Variants in ADCY8 observed in about 807,000 individuals in gnomAD.
The protein encoded by ADCY8 is adenylate cyclase 8.
Under a neutral mutation model 119.7 loss-of-function variants are expected in ADCY8, and 51 were observed. The observed-to-expected ratio is 0.43, with a 90% CI of 0.34 to 0.54. ADCY8 has a LOEUF of 0.54. Ranked by LOEUF, ADCY8 falls within the 20% of genes least tolerant of loss-of-function variation. The probability of loss-of-function intolerance (pLI) is 0.03; values close to 1 mark genes in which losing one functional copy is unlikely to be tolerated. For missense variants in ADCY8, 1,383 were observed against 1,598.8 expected, an observed-to-expected ratio of 0.87 and a Z score of 2.30; for synonymous variants, 665 against 651.0, an observed-to-expected ratio of 1.02 and a Z score of -0.33.
intron 9 of ADCY8, among the ~76,000 whole-genome samples, chr8:130,854,816 TCC>T (rs747278802): frequency 6.9e-3 from 221 of 32,228 alleles, no homozygotes; most frequent in Admixed American, 0.014. Flanking sequence ...CCTCCCTCCC[TCC>T]CTCCCTCCCT....
At chr8:130,857,247 TA>T (rs1817772108) in intron 9 of ADCY8, among the ~76,000 whole-genome samples, 4 of 150,866 alleles carry the variant, frequency 2.7e-5, no homozygotes, top group East Asian at 1.9e-4. Context: ...AATAATAAAA[TA>T]AAAATAAAAA....
chr8:131,015,174 T>C (rs1004459615), intron 1 of ADCY8, among the ~76,000 whole-genome samples: 2 of 152,190 alleles, frequency 1.3e-5, no homozygotes, highest in Admixed American at 1.3e-4. Context: ...TCTGAGGATA[T>C]GTCAGTCATC....
In ADCY8 at chr8:130,951,796, G is replaced by A. The variant is rs1389719058; in HGVS notation, c.1241+72C>T. ...TGACATTCAAGCAGACGGAAGTCAC[G>A]GAAGTGCAATGAGAGCACCCAAACA... On this transcript the variant is annotated intron_variant, in intron 3 of 17. Transcript: ENST00000286355. 10 of 1,575,734 alleles carry A rather than the reference G, an allele frequency of 6.3e-6. No individual in the cohort carries two copies. In the East Asian group the frequency reaches 9.1e-5, roughly 14 times the overall value.
chr8:130,854,824 TC>T (rs1817660214), intron 9 of ADCY8, among the ~76,000 whole-genome samples: 4 of 21,884 alleles, frequency 1.8e-4, no homozygotes, highest in Non-Finnish European at 3.0e-4. Context: ...CCTCCCTCCC[TC>T]CCTCCCTCCC....
intron 1 of ADCY8, among the ~76,000 whole-genome samples, chr8:131,007,354 G>T (rs942078653): frequency 6.6e-6 from 1 of 152,118 alleles, no homozygotes; most frequent in African/African-American, 2.4e-5. Flanking sequence ...GATCTCAGAT[G>T]GGGACTATTT....
At chr8:130,838,389 A>G (rs1817050468) in intron 11 of ADCY8, among the ~76,000 whole-genome samples, 1 of 152,200 alleles carries the variant, frequency 6.6e-6, no homozygotes, top group Non-Finnish European at 1.5e-5. Flanking sequence ...CTATCCTTTA[A>G]GATCTTGGGG....
chr8:130,909,886 G>A lies in ADCY8; in HGVS notation c.1482-20C>T. 3 of 1,612,958 alleles carry A rather than the reference G, an allele frequency of 1.9e-6. No homozygotes were observed. Among genetic ancestry groups the A allele is most frequent in the Non-Finnish European group, 2.5e-6 (3 of 1,179,180 alleles). ...ACATACCTGTTGACATAGGTAAATG[G>A]AGAGACACATGTATAAGACCAGAGT... On this transcript the variant is annotated intron_variant, in intron 5 of 17. Coordinates refer to ENST00000286355, the MANE Select transcript of ADCY8 (RefSeq NM_001115.3).
chr8:130,793,668 A>C (rs542208444), intron 15 of ADCY8, among the ~76,000 whole-genome samples: 5 of 152,216 alleles, frequency 3.3e-5, no homozygotes, highest in Non-Finnish European at 7.3e-5. Flanking sequence ...TTGTCAATGA[A>C]GCAAGATTCA....
At chr8:130,905,189 G>A (rs1819740920) in intron 6 of ADCY8, among the ~76,000 whole-genome samples, 1 of 152,184 alleles carries the variant, frequency 6.6e-6, no homozygotes. Context: ...GTTATTAAGA[G>A]TATTCTAAAA....
chr8:130,793,590 T>C (rs1815489903), intron 15 of ADCY8, among the ~76,000 whole-genome samples: 1 of 152,238 alleles, frequency 6.6e-6, no homozygotes, highest in African/African-American at 2.4e-5. Context: ...AGGGCAGGAC[T>C]TCACTAGATA....
chr8:130,806,645 G>T (rs1039735838), intron 14 of ADCY8, among the ~76,000 whole-genome samples: 1 of 152,168 alleles, frequency 6.6e-6, no homozygotes, highest in African/African-American at 2.4e-5. Context: ...CAGTGGCCTT[G>T]GGAGGAGATA....
chr8:130,866,130 A>G (rs1818112753), intron 9 of ADCY8, among the ~76,000 whole-genome samples: 1 of 151,998 alleles, frequency 6.6e-6, no homozygotes, highest in Non-Finnish European at 1.5e-5. Flanking sequence ...GTATGGGTCT[A>G]TCACCCTTGT....
At chr8:130,837,935 C>G (rs1269341855) in intron 11 of ADCY8, among the ~76,000 whole-genome samples, 1 of 152,162 alleles carries the variant, frequency 6.6e-6, no homozygotes, top group Non-Finnish European at 1.5e-5. Context: ...ATAACCAATT[C>G]ACGTAAATGG....
intron 5 of ADCY8, among the ~76,000 whole-genome samples, chr8:130,923,492 C>T (rs1175417238): frequency 1.3e-5 from 2 of 152,236 alleles, no homozygotes; most frequent in African/African-American, 4.8e-5. Context: ...ACTTGGCATT[C>T]TGCTGTCATT....
chr8:130,966,134 C>T (rs927261036), intron 2 of ADCY8, among the ~76,000 whole-genome samples: 1 of 152,196 alleles, frequency 6.6e-6, no homozygotes, highest in Non-Finnish European at 1.5e-5. Context: ...TGAGGCTGGA[C>T]TTTGGGAACA....
At chr8:130,794,048 C>G (rs1269016347) in intron 15 of ADCY8, among the ~76,000 whole-genome samples, 1 of 152,098 alleles carries the variant, frequency 6.6e-6, no homozygotes, top group East Asian at 1.9e-4. Context: ...GAGACACACA[C>G]AGGGACAAAG....
chr8:130,863,080 A>G (rs1817997099), intron 9 of ADCY8, among the ~76,000 whole-genome samples: 1 of 152,184 alleles, frequency 6.6e-6, no homozygotes, highest in African/African-American at 2.4e-5. Flanking sequence ...GAAGTCTCCA[A>G]CTATAATAGT....
chr8:130,961,642 T>G (rs6991107), intron 2 of ADCY8, among the ~76,000 whole-genome samples: 2 of 152,004 alleles, frequency 1.3e-5, no homozygotes, highest in South Asian at 4.1e-4. Context: ...TCATCACACA[T>G]GTTTAGTTGT....
At chr8:130,781,036 G>A (rs1586403966) in intron 17 of ADCY8, among the ~76,000 whole-genome samples, 159 bp from the exon 18 acceptor site, 1 of 152,114 alleles carries the variant, frequency 6.6e-6, no homozygotes, top group Non-Finnish European at 1.5e-5. Flanking sequence ...TGTATCACCT[G>A]GGTCAGTTAA....
Sources: gnomAD v4.1 joint callset for allele counts (sites outside exome capture counted in the v4.1 genomes callset) on GRCh38, gnomAD v4.1.1 for gene constraint, MANE v1.5 for transcripts, NCBI Gene and HGNC (gene_info 2026-07-23, HGNC 2026-07-21) for gene names.